Variants in SLC4A10 observed in about 807,000 individuals in gnomAD.
SLC4A10 encodes sodium-driven chloride bicarbonate exchanger.
In SLC4A10, 42 loss-of-function variants were observed where a neutral mutation model predicts 137.7. That is an observed-to-expected ratio of 0.30 (90% CI 0.24 to 0.39). SLC4A10 has a LOEUF of 0.39. Ranked by LOEUF, SLC4A10 falls within the 10% of genes least tolerant of loss-of-function variation. The pLI is 1.00. For synonymous variants in SLC4A10, 474 were observed against 464.1 expected, an observed-to-expected ratio of 1.02 and a Z score of -0.27; for missense variants, 925 against 1,355.0, an observed-to-expected ratio of 0.68 and a Z score of 4.98.
At chr2:161,811,391 C>A (rs531378361) in intron 3 of SLC4A10, among the ~76,000 whole-genome samples, 22 of 151,904 alleles carry the variant, frequency 1.4e-4, no homozygotes, top group Non-Finnish European at 2.8e-4. Flanking sequence ...AATCTCTTTT[C>A]TTCTGCTAGC....
chr2:161,790,836 A>G (rs1291638744), intron 2 of SLC4A10, among the ~76,000 whole-genome samples: 1 of 152,216 alleles, frequency 6.6e-6, no homozygotes, highest in Non-Finnish European at 1.5e-5. Context: ...TCTCAAAAGA[A>G]GACATACATG....
chr2:161,874,161 T>C (rs1369497632), intron 8 of SLC4A10, among the ~76,000 whole-genome samples, 156 bp downstream of exon 8: 1 of 152,224 alleles, frequency 6.6e-6, no homozygotes, highest in African/African-American at 2.4e-5. Flanking sequence ...CATCTGCAAG[T>C]TGGAAAAAGT....
intron 1 of SLC4A10, among the ~76,000 whole-genome samples, chr2:161,655,896 C>G (rs778326434): frequency 2.0e-5 from 3 of 148,430 alleles, no homozygotes; most frequent in Non-Finnish European, 4.5e-5. Flanking sequence ...GCAGTGCAAT[C>G]TCTGTCTCCC....
chr2:161,770,333 G>A (rs1559210868), intron 1 of SLC4A10, among the ~76,000 whole-genome samples: 1 of 151,804 alleles, frequency 6.6e-6, no homozygotes, highest in Non-Finnish European at 1.5e-5. Context: ...CATGTGTTTA[G>A]TACTCAGAAG....
chr2:161,963,890 T>A (rs1460023633), intron 21 of SLC4A10, among the ~76,000 whole-genome samples: 1 of 152,206 alleles, frequency 6.6e-6, no homozygotes, highest in Non-Finnish European at 1.5e-5. Context: ...GGCTTTCTAT[T>A]TTTAAACTCT....
intron 1 of SLC4A10, among the ~76,000 whole-genome samples, chr2:161,756,895 AAG>A (rs1178252958): frequency 6.6e-6 from 1 of 152,202 alleles, no homozygotes; most frequent in African/African-American, 2.4e-5. Flanking sequence ...AGATTTCAGA[AAG>A]AGATCTGGAA....
chr2:161,878,472 A>T (rs1444114725), intron 8 of SLC4A10, among the ~76,000 whole-genome samples: 1 of 152,130 alleles, frequency 6.6e-6, no homozygotes, highest in East Asian at 1.9e-4. Flanking sequence ...GTGTACATTC[A>T]TTTCGATCAC....
At chr2:161,940,013 C>T (rs906583903) in intron 15 of SLC4A10, among the ~76,000 whole-genome samples, 2 of 152,098 alleles carry the variant, frequency 1.3e-5, no homozygotes, top group South Asian at 2.1e-4. Flanking sequence ...ACCCTCTCCC[C>T]AGTGAAACAA....
chr2:161,658,515 A>G (rs1292078647), intron 1 of SLC4A10, among the ~76,000 whole-genome samples: 1 of 151,856 alleles, frequency 6.6e-6, no homozygotes, highest in East Asian at 1.9e-4. Flanking sequence ...TGCTTACATT[A>G]TATTTATGAT....
chr2:161,920,926 A>G (rs766171230), intron 15 of SLC4A10, among the ~76,000 whole-genome samples: 5 of 152,240 alleles, frequency 3.3e-5, no homozygotes, highest in Non-Finnish European at 5.9e-5. Context: ...CTACTCTGAA[A>G]GACCTTAGTG....
intron 2 of SLC4A10, among the ~76,000 whole-genome samples, chr2:161,789,690 T>A (rs1247426346): frequency 6.6e-6 from 1 of 152,214 alleles, no homozygotes; most frequent in Non-Finnish European, 1.5e-5. Context: ...TGTATGACTG[T>A]ACATAACAAA....
chr2:161,938,667 C>G (rs912605278), intron 15 of SLC4A10, among the ~76,000 whole-genome samples: 3 of 150,622 alleles, frequency 2.0e-5, no homozygotes, highest in Non-Finnish European at 4.4e-5. Context: ...AAGTATTCAA[C>G]TGGTTTCCCC....
intron 3 of SLC4A10, 49 bp downstream of exon 3, chr2:161,804,644 T>C: frequency 6.6e-7 from 1 of 1,505,502 alleles, no homozygotes; most frequent in Non-Finnish European, 9.0e-7. Context: ...TGTAATATAC[T>C]TGCTTATACA....
intron 2 of SLC4A10, among the ~76,000 whole-genome samples, chr2:161,798,958 A>C (rs1193086901): frequency 6.7e-6 from 1 of 150,108 alleles, no homozygotes; most frequent in Non-Finnish European, 1.5e-5. Context: ...TTTAGTTCTG[A>C]GCCTGAATTG....
chr2:161,818,169 G>A (rs1354096805), intron 3 of SLC4A10, among the ~76,000 whole-genome samples: 2 of 152,148 alleles, frequency 1.3e-5, no homozygotes, highest in East Asian at 1.9e-4. Flanking sequence ...GCAGTGGTTT[G>A]TAGTTCTCCT....
At chr2:161,948,652 T>G (rs1047014003) in intron 17 of SLC4A10, among the ~76,000 whole-genome samples, 1 of 152,144 alleles carries the variant, frequency 6.6e-6, no homozygotes, top group African/African-American at 2.4e-5. Context: ...TTGCCCACTC[T>G]GTTGTGTACA....
At chr2:161,942,517 A>G (rs532766317) in intron 15 of SLC4A10, among the ~76,000 whole-genome samples, 1 of 152,254 alleles carries the variant, frequency 6.6e-6, no homozygotes, top group Admixed American at 6.6e-5. Flanking sequence ...TTGGATATTT[A>G]TCATTTTTCT....
At chr2:161,762,768 T>C (rs1206527954) in intron 1 of SLC4A10, among the ~76,000 whole-genome samples, 1 of 152,060 alleles carries the variant, frequency 6.6e-6, no homozygotes, top group Non-Finnish European at 1.5e-5. Context: ...TTTAACATAG[T>C]GAAATGAGTA....
At chr2:161,893,745 A>T (rs2063158894) in intron 10 of SLC4A10, among the ~76,000 whole-genome samples, 1 of 151,996 alleles carries the variant, frequency 6.6e-6, no homozygotes, top group African/African-American at 2.4e-5. Context: ...AATAAAAAAT[A>T]ACAATGTTAC....
Sources: allele counts gnomAD v4.1 joint callset (sites outside exome capture counted in the v4.1 genomes callset), GRCh38; gene constraint gnomAD v4.1.1; transcripts MANE v1.5; gene names NCBI Gene and HGNC (gene_info 2026-07-23, HGNC 2026-07-21).